The following RIMBP2 variants were observed in gnomAD, a reference collection of about 807,000 sequenced individuals.
RIMBP2 encodes RIMS-binding protein 2.
A neutral mutation model predicts 118.6 loss-of-function variants in RIMBP2; 48 were observed. The ratio of observed to expected loss-of-function variants is 0.40; its 90% CI spans 0.32 to 0.51. The LOEUF is 0.51. RIMBP2 is among the 20% of genes least tolerant of loss of function. The pLI is 0.41. For synonymous variants in RIMBP2, 762 were observed against 742.9 expected, an observed-to-expected ratio of 1.03 and a Z score of -0.42; for missense variants, 1,551 against 1,768.3, an observed-to-expected ratio of 0.88 and a Z score of 2.20.
intron 1 of RIMBP2, among the ~76,000 whole-genome samples, chr12:130,664,894 G>A (rs1490305281): frequency 6.6e-6 from 1 of 151,816 alleles, no homozygotes; most frequent in East Asian, 1.9e-4. Context: ...TTCCTGCCAA[G>A]GATGGGCCCA....
chr12:130,706,265 C>A (rs1364982868), intron 1 of RIMBP2, among the ~76,000 whole-genome samples: 2 of 152,242 alleles, frequency 1.3e-5, no homozygotes, highest in Non-Finnish European at 2.9e-5. Flanking sequence ...TTGAGTGTTG[C>A]AAGATACTAA....
intron 2 of RIMBP2, among the ~76,000 whole-genome samples, chr12:130,597,238 A>ATTTT (rs923254980): frequency 6.6e-5 from 10 of 152,156 alleles, no homozygotes; most frequent in African/African-American, 2.4e-4. Flanking sequence ...CATCGTTTTT[A>ATTTT]TTTTTATTTA....
In RIMBP2 at chr12:130,576,738, G is replaced by A. The variant is rs2058109204; in HGVS notation, c.-217+51584C>T. Reference sequence around the variant, plus strand: ...GGAGGAGCCCCGCCGAGCGCCGAGAGGCATATGTGCGCACCACATGCCACA... The same window carrying A: ...GGAGGAGCCCCGCCGAGCGCCGAGAAGCATATGTGCGCACCACATGCCACA... On this transcript the variant is annotated intron_variant, in intron 2 of 22. Transcript: ENST00000690449. The surrounding 1 kb of genome is among the most constrained non-coding windows in gnomAD (Gnocchi z 4.2). Among the ~76,000 whole-genome samples the A allele has an allele frequency of 6.6e-6, 1 of 152,202 alleles. No individual in the cohort carries two copies. The highest frequency in any genetic ancestry group is 2.4e-5 in the African/African-American group (1 of 41,456).
At chr12:130,432,021 G>A in intron 14 of RIMBP2, 1 of 236,888 alleles carries the variant, frequency 4.2e-6, no homozygotes, top group South Asian at 4.9e-5. Context: ...AAGGGCTCTG[G>A]GGCCACCTGG....
rs1477569405 is a variant in RIMBP2 at position 130,446,148 on chromosome 12, T to C, written c.582-879A>G. Among the ~76,000 whole-genome samples the C allele has an allele frequency of 6.6e-6, 1 of 151,934 alleles. No individual in the cohort carries two copies. The highest frequency in any genetic ancestry group is 2.4e-5 in the African/African-American group (1 of 41,344). ...ACACATGAAACAAACCCAGATGAAT[T>C]GGGGATTCTCTAAATAAAAGGCAAA... On this transcript the variant is annotated intron_variant, in intron 9 of 22. Coordinates refer to ENST00000690449, the MANE Select transcript of RIMBP2 (RefSeq NM_001393629.1). This position sits in a 1 kb window ranked among gnomAD's most constrained non-coding sequence, Gnocchi z 4.1.
chr12:130,463,470 G>A (rs2080186518), intron 6 of RIMBP2, among the ~76,000 whole-genome samples: 1 of 152,106 alleles, frequency 6.6e-6, no homozygotes, highest in African/African-American at 2.4e-5. Flanking sequence ...TAAAGACAAG[G>A]GGGAAGCATC....
chr12:130,678,983 T>C (rs968558044), intron 1 of RIMBP2, among the ~76,000 whole-genome samples: 1 of 152,206 alleles, frequency 6.6e-6, no homozygotes, highest in African/African-American at 2.4e-5. Flanking sequence ...TAGACGCTGG[T>C]GATGTTTGCA....
At chr12:130,664,455 A>ACACACG (rs1491256422) in intron 1 of RIMBP2, among the ~76,000 whole-genome samples, 2 of 72,928 alleles carry the variant, frequency 2.7e-5, no homozygotes, top group East Asian at 3.4e-4. Flanking sequence ...ACGCACACAC[A>ACACACG]TGCACGCACA....
chr12:130,640,756 A>G (rs1221486854), intron 1 of RIMBP2, among the ~76,000 whole-genome samples: 2 of 152,216 alleles, frequency 1.3e-5, no homozygotes, highest in East Asian at 3.9e-4. Context: ...CCGCACAGCC[A>G]CTGGGCTTCA....
rs940486693 is a variant in RIMBP2, at chr12:130,475,557, C to T, written c.102+3355G>A. Among the ~76,000 whole-genome samples, 6 of 152,138 alleles carry T rather than the reference C, an allele frequency of 3.9e-5. No individual in the cohort carries two copies. Among genetic ancestry groups the T allele is most frequent in the East Asian group, 1.9e-4 (1 of 5,152 alleles). On this transcript the variant is annotated intron_variant, in intron 5 of 22. Transcript: ENST00000690449. The surrounding 1 kb of genome is among the most constrained non-coding windows in gnomAD (Gnocchi z 4.1). Reference sequence around the variant, plus strand: ...AAGAGGCAGGGAGGAGACCCGCAGACGGTGGGGAGGGGCATTTCCAGGACC... The same window carrying T: ...AAGAGGCAGGGAGGAGACCCGCAGATGGTGGGGAGGGGCATTTCCAGGACC...
chr12:130,693,036 CAAG>C (rs1308053075), intron 1 of RIMBP2, among the ~76,000 whole-genome samples: 1 of 152,002 alleles, frequency 6.6e-6, no homozygotes, highest in Non-Finnish European at 1.5e-5. Flanking sequence ...ATTTTACAGA[CAAG>C]AAAACTGAGA....
At chr12:130,546,736 G>A (rs1423943691) in intron 2 of RIMBP2, among the ~76,000 whole-genome samples, 12 of 152,348 alleles carry the variant, frequency 7.9e-5, no homozygotes, top group African/African-American at 2.6e-4. Flanking sequence ...CAGGCTGCGC[G>A]TGGATGTGTT....
intron 1 of RIMBP2, among the ~76,000 whole-genome samples, chr12:130,665,169 C>T (rs1163498456): frequency 6.6e-6 from 1 of 151,676 alleles, no homozygotes; most frequent in Admixed American, 6.5e-5. Context: ...AAGTTAACAT[C>T]CCCAGTAACA....
chr12:130,490,707 A>G (rs1471210748), intron 4 of RIMBP2, among the ~76,000 whole-genome samples: 1 of 152,200 alleles, frequency 6.6e-6, no homozygotes, highest in Non-Finnish European at 1.5e-5. Flanking sequence ...TTCAAGGAAA[A>G]TAATCTCGTC....
chr12:130,707,253 G>T (rs1351431473), intron 1 of RIMBP2, among the ~76,000 whole-genome samples: 1 of 152,152 alleles, frequency 6.6e-6, no homozygotes, highest in Non-Finnish European at 1.5e-5. Context: ...TGCTGGCATA[G>T]GTACGCAGAG....
intron 2 of RIMBP2, among the ~76,000 whole-genome samples, chr12:130,569,151 G>A (rs924134929): frequency 1.2e-4 from 18 of 152,286 alleles, no homozygotes; most frequent in African/African-American, 4.3e-4. Context: ...CACACTGCTA[G>A]TCCAGGACAT....
Position 130,442,585 on chromosome 12 carries a change from A to G in RIMBP2, c.767T>C (p.Leu256Ser). The G allele has an allele frequency of 6.2e-7, 1 of 1,614,152 alleles. No homozygotes were observed. Among genetic ancestry groups the G allele is most frequent in the Non-Finnish European group, 8.5e-7 (1 of 1,180,022 alleles). Residue 256 changes from leucine (L) to serine (S), a missense_variant, in exon 11 of 23, where the codon TTG becomes TCG. This residue lies in a region of RIMBP2 where 265 missense variants were observed against 349.5 expected (regional missense o/e 0.76). Transcript: ENST00000690449. This position sits in a 1 kb window ranked among gnomAD's most constrained non-coding sequence, Gnocchi z 6.9. ...VDFVQDNESR[L>S]ASTLGNEQDQ... is the part of the protein sequence containing the mutation. ...CTGCTCGTTCCCCAGCGTGCTTGCC[A>G]ACCGCGACTCGTTGTCCTGCACAAA...
intron 21 of RIMBP2, among the ~76,000 whole-genome samples, chr12:130,405,475 C>T (rs61110340): frequency 0.058 from 8,808 of 152,282 alleles, 551 homozygotes; most frequent in East Asian, 0.2. Context: ...GGGCTCTGCG[C>T]AGGGTCCTAA....
rs189490329 is a variant in RIMBP2 at position 130,441,269 on chromosome 12, C to G, written c.1504+579G>C. Among the ~76,000 whole-genome samples the G allele has an allele frequency of 5.3e-3, 809 of 151,960 alleles. 9 individuals are homozygous for G. Among genetic ancestry groups the G allele is most frequent in the African/African-American group, 0.017 (719 of 41,442 alleles). On this transcript the variant is annotated intron_variant, in intron 11 of 22. Transcript: ENST00000690449. The stretch of plus-strand genomic sequence containing the variant: ...TACAAAAATTAGCCGAGCGTGGCGG[C>G]AGGTGCCTATAATCCCAGCTACTCA...
Sources: allele counts gnomAD v4.1 joint callset (sites outside exome capture counted in the v4.1 genomes callset), GRCh38; gene constraint gnomAD v4.1.1; regional missense constraint gnomAD v4.1.1; non-coding constraint Gnocchi (gnomAD v3.1); transcripts MANE v1.5; gene names NCBI Gene and HGNC (gene_info 2026-07-23, HGNC 2026-07-21).